The following MEFV variants were observed in gnomAD, a reference collection of about 807,000 sequenced individuals.
MEFV encodes the protein MEFV innate immunity regulator, pyrin, also known as pyrin.
Under a neutral mutation model 62.5 loss-of-function variants are expected in MEFV, and 60 were observed. That is an observed-to-expected ratio of 0.96 (90% CI 0.78 to 1.19). MEFV has a LOEUF of 1.19. MEFV is among the 50% of genes most tolerant of loss of function. MEFV has a pLI of 0.00. For synonymous variants in MEFV, 500 were observed against 415.2 expected, an observed-to-expected ratio of 1.20 and a Z score of -2.48; for missense variants, 1,169 against 1,004.5, an observed-to-expected ratio of 1.16 and a Z score of -2.21.
intron 2 of MEFV, among the ~76,000 whole-genome samples, chr16:3,253,539 G>A (rs766743112): frequency 4.6e-5 from 7 of 152,018 alleles, no homozygotes; most frequent in Non-Finnish European, 8.8e-5. Context: ...TAAGAGACAG[G>A]GTCTTGCTCT....
In MEFV at chr16:3,248,631, A is replaced by G. The variant is rs940064607; in HGVS notation, c.1356+278T>C. The G allele has an allele frequency of 2.3e-5, 20 of 876,792 alleles. No individual in the cohort carries two copies. In the Admixed American group the frequency reaches 6.8e-4, roughly 30 times the overall value. The allele number at this position is 876,792 out of a possible 1,614,324, so 54.3% of individuals were successfully genotyped here. A position where few individuals can be genotyped will look rare whatever the true frequency, so the allele number is the denominator to read the frequency against. On this transcript the variant is annotated intron_variant, in intron 4 of 9. Transcript: ENST00000219596. ...GTTCTCCTCCCTTTTCCTCAATCCC[A>G]TCTTTCTGCAGTAGTCACCGGCATA...
chr16:3,252,949 C>CA (rs5815167), intron 2 of MEFV, among the ~76,000 whole-genome samples: 1,228 of 50,330 alleles, frequency 0.024, 4 homozygotes, highest in East Asian at 0.044. Context: ...GACTCTGTCT[C>CA]AAAAAAAAAA....
At chr16:3,244,404 G>A in intron 7 of MEFV, 69 bp downstream of exon 7, 1 of 1,574,274 alleles carries the variant, frequency 6.4e-7, no homozygotes, top group Non-Finnish European at 8.7e-7. Flanking sequence ...GAAGTGAGGG[G>A]CTCTGGGCTA....
At position 3,244,560 on chromosome 16, in the gene MEFV, A is replaced by G. The variant is rs1015503384; in HGVS notation, c.1639T>C (p.Trp547Arg). Residue 547 changes from tryptophan to arginine, a missense_variant, in exon 7 of 10, where the codon TGG becomes CGG. Transcript: ENST00000219596. The part of the protein sequence containing the change: ...RAKTVPVPEK[W>R]TTPQEIKQKI... ...TGTTTTATCTCTTGAGGAGTGGTCC[A>G]CTTTTCAGGGACAGGCACTGTCTTA... is the stretch of plus-strand genomic sequence containing the variant. The G allele has an allele frequency of 6.8e-6, 11 of 1,613,998 alleles. No individual in the cohort carries two copies. The highest frequency in any genetic ancestry group is 3.3e-5 in the Admixed American group (2 of 60,004).
intron 4 of MEFV, 157 bp downstream of exon 4, chr16:3,248,752 A>T: frequency 8.1e-6 from 8 of 985,340 alleles, no homozygotes; most frequent in Non-Finnish European, 9.6e-6. Context: ...CTCTACAGGG[A>T]TGAGCTTACC....
At chr16:3,252,949 C>CAAAAA (rs5815167) in intron 2 of MEFV, among the ~76,000 whole-genome samples, 3 of 51,662 alleles carry the variant, frequency 5.8e-5, no homozygotes, top group Non-Finnish European at 1.0e-4. Context: ...GACTCTGTCT[C>CAAAAA]AAAAAAAAAA....
chr16:3,252,637 A>G (rs532491079), intron 2 of MEFV, among the ~76,000 whole-genome samples: 1 of 152,018 alleles, frequency 6.6e-6, no homozygotes, highest in Non-Finnish European at 1.5e-5. Flanking sequence ...CCAACAATGC[A>G]TTGGAAAGTG....
At chr16:3,251,136 C>T (rs1959026713) in intron 2 of MEFV, among the ~76,000 whole-genome samples, 1 of 151,784 alleles carries the variant, frequency 6.6e-6, no homozygotes, top group African/African-American at 2.4e-5. Flanking sequence ...GTAAATGAGA[C>T]TGCTAGTAGT....
chr16:3,243,733 G>A (rs917720627), intron 9 of MEFV, 39 bp from the exon 10 acceptor site: 1 of 1,611,814 alleles, frequency 6.2e-7, no homozygotes, highest in Non-Finnish European at 8.5e-7. Context: ...GGGGTCCATG[G>A]GCAACATCCC....
intron 1 of MEFV, 90 bp downstream of exon 1, chr16:3,256,221 C>A: frequency 1.4e-6 from 2 of 1,476,434 alleles, no homozygotes; most frequent in South Asian, 1.2e-5. Context: ...ATCCCCAGGT[C>A]AGAGTGAGCT....
At chr16:3,246,595 T>A (rs768508295) in intron 5 of MEFV, 48 bp from the exon 6 acceptor site, 1 of 1,610,210 alleles carries the variant, frequency 6.2e-7, no homozygotes. Context: ...TCCTAGTGGC[T>A]GGGCTGACTC....
chr16:3,245,636 A>C (rs552212063), intron 6 of MEFV, among the ~76,000 whole-genome samples: 1 of 149,062 alleles, frequency 6.7e-6, no homozygotes, highest in Admixed American at 6.9e-5. Flanking sequence ...GCTGTCTTCA[A>C]AAAAAAAGAG....
chr16:3,256,336 C>T lies in MEFV; in HGVS notation c.252G>A (p.Glu84=). 1.2e-6 allele frequency: 2 copies of T among 1,613,930 alleles called. No individual in the cohort carries two copies. The highest frequency in any genetic ancestry group is 1.7e-6 in the Non-Finnish European group (2 of 1,180,004). Residue 84 remains glutamate (E), a synonymous_variant, in exon 1 of 10, where the codon GAG becomes GAA. Coordinates refer to ENST00000219596, the MANE Select transcript of MEFV (RefSeq NM_000243.3). ...LRAINQRLLA[E]ELHRAAIQEY... is the part of the protein sequence containing the mutation. ...CCTGAATGGCTGCCCTGTGGAGCTC[C>T]TCGGCCAGCAGGCGCTGGTTGATGG... is the stretch of plus-strand genomic sequence containing the variant.
rs943069878 is a variant in MEFV, at chr16:3,242,086, G to C, written c.*1055C>G. The C allele has an allele frequency of 7.0e-5, 11 of 157,096 alleles. No homozygotes were observed. Among genetic ancestry groups the C allele is most frequent in the African/African-American group, 2.7e-4 (11 of 41,448 alleles). 9.7% of individuals were successfully genotyped at this position (157,096 alleles called of 1,614,324 possible). A position where few individuals can be genotyped will look rare whatever the true frequency, so the allele number is the denominator to read the frequency against. On this transcript the variant is annotated 3_prime_UTR_variant, in exon 10 of 10. Transcript: ENST00000219596. ...TCAATTCTCTTAAGAATCATGGCCC[G>C]GCATGGTGGCTCATGCCTGTAATCC...
intron 2 of MEFV, among the ~76,000 whole-genome samples, chr16:3,253,301 G>A (rs1362617062): frequency 2.0e-5 from 3 of 152,046 alleles, no homozygotes; most frequent in African/African-American, 7.2e-5. Context: ...TGCGATGTAG[G>A]AAGAAGCATG....
Position 3,243,451 on chromosome 16 carries a change from T to C in MEFV, c.2036A>G (p.Asn679Ser), listed in dbSNP as rs750959153. ...GCCATTCTCTGGCGACAGAGTCATGTTCCCTTTCCTGCTTATGGATGTCTT... is the reference window on the plus strand; with the variant it reads ...GCCATTCTCTGGCGACAGAGTCATGCTCCCTTTCCTGCTTATGGATGTCTT... ...ACKTSISRKGNMTLSPENGYW... is the reference protein window; with the variant it reads ...ACKTSISRKGSMTLSPENGYW... Residue 679 changes from asparagine (N) to serine (S), a missense_variant, in exon 10 of 10, where the codon AAC becomes AGC. By Grantham distance (46) the Asn-to-Ser change is conservative. Transcript: ENST00000219596. 6.2e-7 allele frequency: 1 copy of C among 1,614,136 alleles called. No homozygotes were observed.
chr16:3,256,244 T>A, intron 1 of MEFV, 67 bp downstream of exon 1: 2 of 1,566,994 alleles, frequency 1.3e-6, no homozygotes, highest in East Asian at 4.6e-5. Context: ...TCTGAGCTCC[T>A]GGTCCCCTTT....
chr16:3,244,145 A>T, intron 8 of MEFV, 109 bp downstream of exon 8: 1 of 1,542,498 alleles, frequency 6.5e-7, no homozygotes, highest in Non-Finnish European at 8.7e-7. Context: ...CCTTTGCTCC[A>T]GGTGTTTGGT....
At chr16:3,244,685 C>T in intron 6 of MEFV, 97 bp from the exon 7 acceptor site, 2 of 864,836 alleles carry the variant, frequency 2.3e-6, no homozygotes, top group Non-Finnish European at 1.9e-6. Context: ...ACAGGGCACA[C>T]CTAGCCCAGC....
Sources: allele counts gnomAD v4.1 joint callset (sites outside exome capture counted in the v4.1 genomes callset), GRCh38; gene constraint gnomAD v4.1.1; transcripts MANE v1.5; gene names NCBI Gene and HGNC (gene_info 2026-07-23, HGNC 2026-07-21).